Variants in KCNMA1 observed in about 807,000 individuals in gnomAD.
KCNMA1 encodes Calcium-activated potassium channel subunit alpha-1.
Under a neutral mutation model 140.0 loss-of-function variants are expected in KCNMA1, and 29 were observed. That is an observed-to-expected ratio of 0.21 (90% CI 0.15 to 0.28). The LOEUF (loss-of-function observed/expected upper bound fraction) is 0.28. KCNMA1 is among the 10% of genes least tolerant of loss of function. The probability of loss-of-function intolerance (pLI) is 1.00; values close to 1 mark genes in which losing one functional copy is unlikely to be tolerated. For synonymous variants in KCNMA1, 612 were observed against 611.9 expected, an observed-to-expected ratio of 1.00 and a Z score of 0.00; for missense variants, 880 against 1,602.2, an observed-to-expected ratio of 0.55 and a Z score of 7.70.
At chr10:77,607,744 G>A (rs974989838) in intron 1 of KCNMA1, among the ~76,000 whole-genome samples, 1 of 152,126 alleles carries the variant, frequency 6.6e-6, no homozygotes, top group Non-Finnish European at 1.5e-5. Flanking sequence ...CCCTGCAGAC[G>A]CTTTGACTTT....
chr10:76,974,629 T>G, intron 19 of KCNMA1: 1 of 1,240,914 alleles, frequency 8.1e-7, no homozygotes. Flanking sequence ...GAAATTTCTT[T>G]TAGAAAAGTT....
intron 1 of KCNMA1, among the ~76,000 whole-genome samples, chr10:77,565,379 T>TATCCAAATTGCA (rs1373314039): frequency 6.6e-6 from 1 of 152,144 alleles, no homozygotes; most frequent in Non-Finnish European, 1.5e-5. Context: ...CCCAAATTGC[T>TATCCAAATTGCA]ATCTTTTCAA....
chr10:77,577,311 G>A (rs186916287), intron 1 of KCNMA1, among the ~76,000 whole-genome samples: 2 of 151,892 alleles, frequency 1.3e-5, no homozygotes, highest in African/African-American at 4.8e-5. Flanking sequence ...GCCTCCCAAA[G>A]TGCTGGGATT....
chr10:77,619,982 T>C (rs760735771), intron 1 of KCNMA1, among the ~76,000 whole-genome samples: 2 of 152,118 alleles, frequency 1.3e-5, no homozygotes, highest in Non-Finnish European at 2.9e-5. Context: ...TTTGGATCAC[T>C]ATGGACCACG....
intron 13 of KCNMA1, among the ~76,000 whole-genome samples, chr10:77,078,612 G>A (rs988449899): frequency 2.0e-5 from 3 of 152,114 alleles, no homozygotes; most frequent in Non-Finnish European, 2.9e-5. Flanking sequence ...CTTACAGAGC[G>A]CATTATGCAC....
chr10:77,360,335 G>A (rs1383762880), intron 2 of KCNMA1, among the ~76,000 whole-genome samples: 2 of 152,228 alleles, frequency 1.3e-5, no homozygotes, highest in Admixed American at 6.5e-5. Context: ...GCAAGAGGCA[G>A]GTCAGTCATC....
chr10:77,515,973 C>T (rs193235321), intron 1 of KCNMA1, among the ~76,000 whole-genome samples: 6 of 152,300 alleles, frequency 3.9e-5, no homozygotes, highest in East Asian at 3.9e-4. Context: ...CTGCAGCCAG[C>T]GCAGATCTTG....
At chr10:77,160,523 G>A (rs1001239561) in intron 5 of KCNMA1, among the ~76,000 whole-genome samples, 1 of 152,300 alleles carries the variant, frequency 6.6e-6, no homozygotes, top group Non-Finnish European at 1.5e-5. Context: ...TGCACTGAGG[G>A]AGCAGGGGCA....
chr10:77,521,250 G>A (rs2053288986), intron 1 of KCNMA1, among the ~76,000 whole-genome samples: 1 of 152,208 alleles, frequency 6.6e-6, no homozygotes, highest in South Asian at 2.1e-4. Context: ...GGACACCTTT[G>A]TGTCACCCTC....
intron 5 of KCNMA1, among the ~76,000 whole-genome samples, chr10:77,166,988 A>AAATGTAC (rs2098649927): frequency 6.6e-6 from 1 of 152,136 alleles, no homozygotes; most frequent in Non-Finnish European, 1.5e-5. Flanking sequence ...AGCTATTTTG[A>AAATGTAC]AATGTACAAT....
chr10:77,057,200 T>A (rs1010802184), intron 14 of KCNMA1, among the ~76,000 whole-genome samples: 1 of 152,132 alleles, frequency 6.6e-6, no homozygotes, highest in South Asian at 2.1e-4. Flanking sequence ...ACTCATTACT[T>A]ATAGGTAACC....
chr10:77,315,616 T>G (rs1323065533), intron 2 of KCNMA1: 2 of 152,200 alleles, frequency 1.3e-5, no homozygotes, highest in East Asian at 3.8e-4. Flanking sequence ...ACTTGCATAA[T>G]TGTCCTGGCT....
At chr10:77,011,002 C>T (rs970379981) in intron 18 of KCNMA1, among the ~76,000 whole-genome samples, 4 of 152,114 alleles carry the variant, frequency 2.6e-5, no homozygotes, top group African/African-American at 7.2e-5. Flanking sequence ...TCCTCTCAAA[C>T]TTGGAAGCTT....
At chr10:77,239,875 T>C (rs34500161) in intron 3 of KCNMA1, among the ~76,000 whole-genome samples, 58,074 of 152,118 alleles carry the variant, frequency 0.38, 11,297 homozygotes, top group Non-Finnish European at 0.42. Context: ...TTGTGAACTT[T>C]AGGGTTCATG....
At chr10:77,618,490 T>G (rs1313120532) in intron 1 of KCNMA1, among the ~76,000 whole-genome samples, 1 of 152,002 alleles carries the variant, frequency 6.6e-6, no homozygotes, top group Non-Finnish European at 1.5e-5. Flanking sequence ...AAGCATAAGG[T>G]AAAGCCTGCA....
intron 7 of KCNMA1, among the ~76,000 whole-genome samples, chr10:77,111,837 C>T (rs961794420): frequency 3.3e-5 from 5 of 152,116 alleles, no homozygotes; most frequent in Admixed American, 2.0e-4. Flanking sequence ...AGTCTGCCTT[C>T]GGGTGGTGTG....
chr10:76,879,360 C>T (rs921804848), intron 29 of KCNMA1, among the ~76,000 whole-genome samples: 10 of 152,132 alleles, frequency 6.6e-5, no homozygotes, highest in African/African-American at 2.4e-4. Flanking sequence ...CCTGCTCTGG[C>T]TCACTCACCT....
intron 2 of KCNMA1, among the ~76,000 whole-genome samples, chr10:77,384,051 G>A (rs2095519963): frequency 1.3e-5 from 2 of 152,242 alleles, no homozygotes; most frequent in Admixed American, 6.5e-5. Context: ...ATTCACCGCA[G>A]GACCCTAGAT....
chr10:77,275,177 C>T (rs896572215), intron 2 of KCNMA1, among the ~76,000 whole-genome samples: 1 of 152,134 alleles, frequency 6.6e-6, no homozygotes, highest in Non-Finnish European at 1.5e-5. Context: ...AGAGCCTATA[C>T]CAACTGAATA....
Sources: gnomAD v4.1 joint callset for allele counts (sites outside exome capture counted in the v4.1 genomes callset) on GRCh38, gnomAD v4.1.1 for gene constraint, MANE v1.5 for transcripts, NCBI Gene and HGNC (gene_info 2026-07-23, HGNC 2026-07-21) for gene names.